ZNF709: variants seen among roughly 807,000 people sequenced by gnomAD.
ZNF709 encodes the protein zinc finger protein 709.
ZNF709 carries 15 observed loss-of-function variants against 10.6 expected under a neutral mutation model. The ratio of observed to expected loss-of-function variants is 1.41; its 90% confidence interval spans 0.95 to 2.18. The LOEUF (loss-of-function observed/expected upper bound fraction) is 2.18, where lower values mean the gene tolerates loss of function less well. Among genes scored for constraint, ZNF709 ranks in the 30% most tolerant of loss-of-function variants. The pLI is 0.00. For synonymous variants in ZNF709, 194 were observed against 238.8 expected, an observed-to-expected ratio of 0.81 and a Z score of 1.73; for missense variants, 589 against 774.0, an observed-to-expected ratio of 0.76 and a Z score of 2.84.
chr19:12,469,346 T>C (rs574969118), intron 1 of ZNF709, among the ~76,000 whole-genome samples: 3 of 152,312 alleles, frequency 2.0e-5, no homozygotes, highest in African/African-American at 7.2e-5. Flanking sequence ...TAATTTTAAC[T>C]TGTTTGTATA....
At position 12,484,792 on chromosome 19, in the gene ZNF709, T is replaced by A; in HGVS notation, c.-135A>T. 2 of 1,234,542 alleles carry A rather than the reference T, an allele frequency of 1.6e-6. No homozygotes were observed. Among genetic ancestry groups the A allele is most frequent in the Non-Finnish European group, 2.3e-6 (2 of 874,722 alleles). The allele number at this position is 1,234,542 out of a possible 1,614,324, so 76.5% of individuals were successfully genotyped here. ...AGACCCCAGAGCGGAGCGCAGCGGCTGGTAGCCACGCCCTCGCCGTTTGCG... is the reference window on the plus strand; with the variant it reads ...AGACCCCAGAGCGGAGCGCAGCGGCAGGTAGCCACGCCCTCGCCGTTTGCG... On this transcript the variant is annotated 5_prime_UTR_variant, in exon 1 of 4. Coordinates refer to ENST00000397732, the MANE Select transcript of ZNF709 (RefSeq NM_152601.4).
At position 12,475,257 on chromosome 19, in the gene ZNF709, T is replaced by TAAAAAAA. The variant is rs71166684; in HGVS notation, c.4-8414_4-8408dup. Among the ~76,000 whole-genome samples, 134 of 44,684 alleles carry TAAAAAAA rather than the reference T, an allele frequency of 3.0e-3. 4 individuals are homozygous for TAAAAAAA. Among genetic ancestry groups the TAAAAAAA allele is most frequent in the Non-Finnish European group, 4.5e-3 (105 of 23,318 alleles). 29.3% of individuals were successfully genotyped at this position (44,684 alleles called of 152,430 possible). On this transcript the variant is annotated intron_variant, in intron 1 of 3. Coordinates refer to ENST00000397732, the MANE Select transcript of ZNF709 (RefSeq NM_152601.4). ...TGGGCAACAGAGTGAGATTCCGTCT[T>TAAAAAAA]AAAAAAAAAAAAAAAAAAAAAAAAA...
intron 1 of ZNF709, among the ~76,000 whole-genome samples, chr19:12,480,534 T>A (rs949723369): frequency 5.3e-5 from 8 of 152,022 alleles, no homozygotes; most frequent in Non-Finnish European, 1.2e-4. Flanking sequence ...ATACAAAAAA[T>A]TATCCGGGCG....
intron 1 of ZNF709, among the ~76,000 whole-genome samples, chr19:12,482,791 T>C (rs552220178): frequency 1.6e-4 from 25 of 152,182 alleles, no homozygotes; most frequent in African/African-American, 5.8e-4. Flanking sequence ...TATGAGCAGG[T>C]AGGACACCTG....
intron 1 of ZNF709, among the ~76,000 whole-genome samples, chr19:12,483,152 C>G (rs1970742854): frequency 6.6e-6 from 1 of 151,964 alleles, no homozygotes. Context: ...TTATTATTTT[C>G]TGTTTTTGAG....
chr19:12,462,541 TGA>T lies in ZNF709; in HGVS notation c.*1453_*1454del, dbSNP rs1171773967. ...CAGAAGATGAAAATAATAATTCCAA[TGA>T]GAGAGTATACTGTATGATAAACTTT... On this transcript the variant is annotated 3_prime_UTR_variant, in exon 4 of 4. Coordinates refer to ENST00000397732, the MANE Select transcript of ZNF709 (RefSeq NM_152601.4). 3 of 152,130 alleles carry T rather than the reference TGA, an allele frequency of 2.0e-5. No homozygotes were observed. Among genetic ancestry groups the T allele is most frequent in the East Asian group, 3.8e-4 (2 of 5,202 alleles). The allele number at this position is 152,130 out of a possible 1,614,324, so 9.4% of individuals were successfully genotyped here.
intron 1 of ZNF709, among the ~76,000 whole-genome samples, chr19:12,482,005 AGGAAAGGAAAG>A (rs1401737243): frequency 7.9e-6 from 1 of 125,874 alleles, no homozygotes; most frequent in Non-Finnish European, 1.7e-5. Context: ...GAAAGGAAGA[AGGAAAGGAAAG>A]GGAAAGGAAA....
At chr19:12,466,595 G>A (rs1454603045) in intron 2 of ZNF709, 76 bp from the exon 3 acceptor site, 86 of 1,598,816 alleles carry the variant, frequency 5.4e-5, no homozygotes, top group Non-Finnish European at 7.3e-5. Context: ...AATCTAGGAT[G>A]AGCTGTTATC....
rs552368612 is a variant in ZNF709, at chr19:12,475,213, G to A, written c.4-8363C>T. On this transcript the variant is annotated intron_variant, in intron 1 of 3. Transcript: ENST00000397732. Reference sequence around the variant, plus strand: ...GCGGAGGTTGCAGTGAGCCAAGATCGCACCACTGTACTCCAGCCTGGGCAA... The same window carrying A: ...GCGGAGGTTGCAGTGAGCCAAGATCACACCACTGTACTCCAGCCTGGGCAA... Among the ~76,000 whole-genome samples, 21 of 127,230 alleles carry A rather than the reference G, an allele frequency of 1.7e-4. No individual in the cohort carries two copies. The South Asian group carries it at 4.2e-3, about 25-fold the overall frequency. The allele number at this position is 127,230 out of a possible 152,430, so 83.5% of individuals were successfully genotyped here. A position where few individuals can be genotyped will look rare whatever the true frequency, so the allele number is the denominator to read the frequency against.
chr19:12,477,876 G>C (rs1970689384), intron 1 of ZNF709, among the ~76,000 whole-genome samples: 1 of 152,016 alleles, frequency 6.6e-6, no homozygotes, highest in Admixed American at 6.6e-5. Context: ...CCTCTCTACA[G>C]GGGAGGGGTG....
intron 1 of ZNF709, among the ~76,000 whole-genome samples, chr19:12,468,307 A>G (rs2144992056): frequency 6.6e-6 from 1 of 152,292 alleles, no homozygotes; most frequent in South Asian, 2.1e-4. Flanking sequence ...GTCTGTGTAG[A>G]AAGAAGTAGA....
chr19:12,466,564 C>A (rs980133831), intron 2 of ZNF709, 45 bp from the exon 3 acceptor site: 1 of 1,609,276 alleles, frequency 6.2e-7, no homozygotes, highest in Non-Finnish European at 8.5e-7. Flanking sequence ...TTCGAAATTA[C>A]AGAAAAATTA....
chr19:12,465,282 G>A lies in ZNF709; in HGVS notation c.640C>T (p.His214Tyr). Residue 214 changes from histidine to tyrosine, a missense_variant, in exon 4 of 4, where the codon CAC becomes TAC. By Grantham distance (83) the His-to-Tyr change is moderately conservative (BLOSUM62 2). This residue lies in a region of ZNF709 where 418 missense variants were observed against 496.3 expected (regional missense o/e 0.84). Transcript: ENST00000397732. Reference protein sequence around the residue: ...AFIYHTTFRGHMRMHTGEKPY... With the variant: ...AFIYHTTFRGYMRMHTGEKPY... ...TTCTCCCCTGTGTGCATTCTCATGT[G>A]TCCTCGAAAGGTTGTGTGATAAATG... 1 of 1,612,744 alleles carries A rather than the reference G, an allele frequency of 6.2e-7. No homozygotes were observed. The highest frequency in any genetic ancestry group is 8.5e-7 in the Non-Finnish European group (1 of 1,179,550).
intron 1 of ZNF709, among the ~76,000 whole-genome samples, chr19:12,474,757 A>C (rs1481461686): frequency 6.6e-6 from 1 of 152,236 alleles, no homozygotes; most frequent in African/African-American, 2.4e-5. Context: ...CAATACATTC[A>C]AAGTGTTAAG....
At chr19:12,479,546 A>AT (rs34344484) in intron 1 of ZNF709, among the ~76,000 whole-genome samples, 114,569 of 152,018 alleles carry the variant, frequency 0.75, 43,497 homozygotes, top group Non-Finnish European at 0.79. Flanking sequence ...TTAAATTTTG[A>AT]TTAAAATTTT....
intron 1 of ZNF709, among the ~76,000 whole-genome samples, chr19:12,480,485 C>A (rs554882569): frequency 6.6e-6 from 1 of 152,166 alleles, no homozygotes; most frequent in African/African-American, 2.4e-5. Context: ...AGATCAAGAC[C>A]ATCCTCGCTA....
chr19:12,474,061 T>A (rs1359001318), intron 1 of ZNF709, among the ~76,000 whole-genome samples: 1 of 152,194 alleles, frequency 6.6e-6, no homozygotes, highest in East Asian at 1.9e-4. Flanking sequence ...TGAATACAAA[T>A]TTTTAAACAT....
chr19:12,462,114 AAAG>A lies in ZNF709; in HGVS notation c.*1879_*1881del, dbSNP rs1970521955. ...AAAGAAAAGAAAGGGAAAGGGAAAG[AAAG>A]AAGGAAGGAAGGAAGGAAAATATGG... On this transcript the variant is annotated 3_prime_UTR_variant, in exon 4 of 4. Transcript: ENST00000397732. The A allele has an allele frequency of 1.3e-5, 2 of 152,148 alleles. No homozygotes were observed. The highest frequency in any genetic ancestry group is 2.4e-5 in the African/African-American group (1 of 41,322). 9.4% of individuals were successfully genotyped at this position (152,148 alleles called of 1,614,324 possible). A position where few individuals can be genotyped will look rare whatever the true frequency, so the allele number is the denominator to read the frequency against.
At chr19:12,476,256 G>A (rs1970677372) in intron 1 of ZNF709, among the ~76,000 whole-genome samples, 1 of 152,100 alleles carries the variant, frequency 6.6e-6, no homozygotes, top group Admixed American at 6.6e-5. Flanking sequence ...GCCAGGTGTG[G>A]TGGTGCACGC....
Sources: gnomAD v4.1 joint callset for allele counts (sites outside exome capture counted in the v4.1 genomes callset) on GRCh38, gnomAD v4.1.1 for gene constraint, gnomAD v4.1.1 regional missense constraint, MANE v1.5 for transcripts, NCBI Gene and HGNC (gene_info 2026-07-23, HGNC 2026-07-21) for gene names.